CSTPP1: variants seen among roughly 807,000 people sequenced by gnomAD.
The protein encoded by CSTPP1 is centriolar satellite-associated tubulin polyglutamylase complex regulator 1.
chr11:47,089,873 T>C, the CSTPP1 span, among the ~76,000 whole-genome samples: 1 of 152,344 alleles, frequency 6.6e-6, no homozygotes, highest in African/African-American at 2.4e-5. Flanking sequence ...AAGGGAGTTA[T>C]TATAGATCCA....
At chr11:47,143,622 C>T in the CSTPP1 span, among the ~76,000 whole-genome samples, 1 of 152,146 alleles carries the variant, frequency 6.6e-6, no homozygotes, top group Non-Finnish European at 1.5e-5. Flanking sequence ...GCCAGAGATC[C>T]CCTCCACCTC....
At chr11:47,115,692 T>G in the CSTPP1 span, among the ~76,000 whole-genome samples, 1 of 152,122 alleles carries the variant, frequency 6.6e-6, no homozygotes, top group South Asian at 2.1e-4. Context: ...TCTATTTGAT[T>G]CTTCTCTCTT....
At chr11:47,038,459 C>T in the CSTPP1 span, among the ~76,000 whole-genome samples, 4 of 96,360 alleles carry the variant, frequency 4.2e-5, no homozygotes, top group Admixed American at 1.1e-4. Flanking sequence ...GGGGGGCTGA[C>T]CCCCCCACCT....
At chr11:47,104,444 A>G in the CSTPP1 span, among the ~76,000 whole-genome samples, 1 of 152,030 alleles carries the variant, frequency 6.6e-6, no homozygotes, top group Admixed American at 6.6e-5. Flanking sequence ...TCTCTCCCCC[A>G]TTACATTGCA....
At chr11:46,980,657 C>T in the CSTPP1 span, among the ~76,000 whole-genome samples, 1 of 151,954 alleles carries the variant, frequency 6.6e-6, no homozygotes, top group Non-Finnish European at 1.5e-5. Flanking sequence ...TGTATCAACA[C>T]TTAAAACTTC....
At chr11:47,037,676 CAT>C in the CSTPP1 span, among the ~76,000 whole-genome samples, 1 of 123,132 alleles carries the variant, frequency 8.1e-6, no homozygotes, top group African/African-American at 2.5e-5. Flanking sequence ...GGATACAGCA[CAT>C]GTTTCAGAGA....
the CSTPP1 span, among the ~76,000 whole-genome samples, chr11:47,107,438 A>G: frequency 1.3e-3 from 204 of 152,204 alleles, 1 homozygote; most frequent in Non-Finnish European, 2.7e-3. Context: ...AGGTCCCATT[A>G]CCTACAGCAC....
At chr11:47,078,168 ATAT>A in the CSTPP1 span, among the ~76,000 whole-genome samples, 1 of 152,218 alleles carries the variant, frequency 6.6e-6, no homozygotes, top group African/African-American at 2.4e-5. Context: ...CAGTATAAAC[ATAT>A]TATTTAAAGA....
chr11:47,088,884 T>C, the CSTPP1 span, among the ~76,000 whole-genome samples: 3 of 152,214 alleles, frequency 2.0e-5, no homozygotes, highest in African/African-American at 7.2e-5. Context: ...ATAAAATGTA[T>C]AGTCTGTAAA....
At chr11:47,052,755 A>G in the CSTPP1 span, 3 of 411,926 alleles carry the variant, frequency 7.3e-6, no homozygotes, top group Non-Finnish European at 1.3e-5. Context: ...TACCATCACT[A>G]ATGGTACCTA....
chr11:47,021,580 A>G, the CSTPP1 span, among the ~76,000 whole-genome samples: 1 of 152,152 alleles, frequency 6.6e-6, no homozygotes, highest in Non-Finnish European at 1.5e-5. Context: ...AGCTAGCTGC[A>G]GTTTGGTGCT....
the CSTPP1 span, among the ~76,000 whole-genome samples, chr11:46,984,398 A>G: frequency 4.7e-4 from 72 of 152,250 alleles, no homozygotes; most frequent in Non-Finnish European, 9.3e-4. Flanking sequence ...CAATTAGTAC[A>G]GTACTATATC....
At chr11:47,106,088 A>G in the CSTPP1 span, among the ~76,000 whole-genome samples, 2 of 152,116 alleles carry the variant, frequency 1.3e-5, no homozygotes, top group Admixed American at 1.3e-4. Flanking sequence ...ACCTTGTCAC[A>G]CTAGTTCCTT....
the CSTPP1 span, among the ~76,000 whole-genome samples, chr11:46,992,986 A>G: frequency 1.6e-4 from 24 of 152,320 alleles, no homozygotes; most frequent in African/African-American, 5.3e-4. Flanking sequence ...TCTGATGGCC[A>G]GTGATGATGA....
At chr11:47,150,387 C>T in the CSTPP1 span, among the ~76,000 whole-genome samples, 1 of 152,268 alleles carries the variant, frequency 6.6e-6, no homozygotes, top group Non-Finnish European at 1.5e-5. Flanking sequence ...CTTCATTCAA[C>T]AGACGTTGAC....
chr11:46,995,986 G>A, the CSTPP1 span, among the ~76,000 whole-genome samples: 163 of 152,122 alleles, frequency 1.1e-3, 1 homozygote, highest in Non-Finnish European at 1.9e-3. Flanking sequence ...ATATATTTAG[G>A]ATAGTTAGCT....
chr11:47,141,676 G>A, the CSTPP1 span, among the ~76,000 whole-genome samples: 17 of 151,838 alleles, frequency 1.1e-4, no homozygotes, highest in Non-Finnish European at 1.8e-4. Context: ...GCTCACGCCT[G>A]TAATCCCAGC....
the CSTPP1 span, among the ~76,000 whole-genome samples, chr11:47,076,365 A>G: frequency 5.9e-5 from 9 of 152,202 alleles, no homozygotes; most frequent in African/African-American, 1.9e-4. Context: ...GAGTTGCACA[A>G]TGAAATGACC....
At chr11:47,017,453 G>A in the CSTPP1 span, among the ~76,000 whole-genome samples, 5 of 152,146 alleles carry the variant, frequency 3.3e-5, no homozygotes, top group Non-Finnish European at 2.9e-5. Flanking sequence ...GATTACAGGC[G>A]TGAGCCACAG....
Sources: gnomAD v4.1 joint callset for allele counts (sites outside exome capture counted in the v4.1 genomes callset) on GRCh38, gnomAD v4.1.1 for gene constraint, MANE v1.5 for transcripts, NCBI Gene and HGNC (gene_info 2026-07-23, HGNC 2026-07-21) for gene names.